The following ZDHHC19 variants were observed in gnomAD, a reference collection of about 807,000 sequenced individuals.
ZDHHC19 encodes palmitoyltransferase ZDHHC19.
ZDHHC19 carries 30 observed loss-of-function variants against 33.9 expected under a neutral mutation model. The observed-to-expected ratio is 0.88, with a 90% CI of 0.66 to 1.20. The LOEUF (loss-of-function observed/expected upper bound fraction) is 1.20, where lower values mean the gene tolerates loss of function less well. Ranked by LOEUF, ZDHHC19 falls within the 50% of genes most tolerant of loss-of-function variation. The pLI, the probability that ZDHHC19 is intolerant of heterozygous loss-of-function variation, is 0.00. For synonymous variants in ZDHHC19, 178 were observed against 167.6 expected (o/e 1.06, Z -0.48); for missense variants, 364 against 401.1 (o/e 0.91, Z 0.79).
At chr3:196,198,232 C>T (rs2280530) in intron 7 of ZDHHC19, 44 bp downstream of exon 7, 1,015,710 of 1,428,234 alleles carry the variant, frequency 0.71, 363,050 homozygotes, top group African/African-American at 0.77. Flanking sequence ...CAGACACCCC[C>T]CTCCCGACAC....
rs1262822000 is a variant in ZDHHC19 at position 196,197,951 on chromosome 3, G to A, written c.*20-226C>T. The stretch of plus-strand genomic sequence containing the variant: ...TTTCCTTTAAATAAAAGAGTCTCCC[G>A]CCACCCGCACCCCCTGGCCAAATTA... On this transcript the variant is annotated intron_variant, in intron 7 of 7. Coordinates refer to ENST00000296326, the MANE Select transcript of ZDHHC19 (RefSeq NM_001039617.2). The surrounding 1 kb of genome is among the most constrained non-coding windows in gnomAD (Gnocchi z 4.4). Among the ~76,000 whole-genome samples, 2 of 152,056 alleles carry A rather than the reference G, an allele frequency of 1.3e-5. No individual in the cohort carries two copies. Among genetic ancestry groups the A allele is most frequent in the East Asian group, 1.9e-4 (1 of 5,176 alleles).
rs188036977 is a variant in ZDHHC19, at chr3:196,198,838, C to T, written c.724G>A (p.Gly242Ser). The T allele has an allele frequency of 6.0e-5, 97 of 1,614,110 alleles. No individual in the cohort carries two copies. In the East Asian group the frequency reaches 1.9e-3, roughly 31 times the overall value. The change falls in exon 6 of 8, where the codon GGC (glycine) becomes AGC (serine). Residue 242 changes from glycine to serine, a missense_variant. By Grantham distance (56) the Gly-to-Ser change is moderately conservative (BLOSUM62 0). Transcript: ENST00000296326. ...GTTAAATACCAGTTGCTGGCACAGC[C>T]CTGGTCGAAGGGGTTGTATCCCTGA... ...HLQGYNPFDQ[G>S]CASNWYLTIC...
chr3:196,209,612 GA>G, intron 2 of ZDHHC19, 97 bp from the exon 3 acceptor site: 1 of 1,482,232 alleles, frequency 6.7e-7, no homozygotes. Context: ...GAAGGGTGGG[GA>G]CAAGGTGGGC....
chr3:196,210,533 T>TAGAGG, intron 2 of ZDHHC19, 83 bp downstream of exon 2: 2 of 1,588,414 alleles, frequency 1.3e-6, no homozygotes, highest in Non-Finnish European at 1.7e-6. Flanking sequence ...GGAGGGTCAG[T>TAGAGG]AGGAAGAGCA....
chr3:196,211,138 G>C (rs1462531528), intron 1 of ZDHHC19, 32 bp downstream of exon 1: 2 of 1,614,068 alleles, frequency 1.2e-6, no homozygotes, highest in Non-Finnish European at 8.5e-7. Flanking sequence ...GTCTCTTTGT[G>C]GGAAACCTAA....
At chr3:196,202,194 G>T (rs1435596878) in intron 5 of ZDHHC19, among the ~76,000 whole-genome samples, 1 of 152,062 alleles carries the variant, frequency 6.6e-6, no homozygotes, top group South Asian at 2.1e-4. Flanking sequence ...GGTGGTGCAC[G>T]CCCGTAGTTC....
intron 5 of ZDHHC19, 123 bp from the exon 6 acceptor site, chr3:196,198,997 G>A (rs1460988480): frequency 3.3e-6 from 3 of 915,440 alleles, no homozygotes; most frequent in Non-Finnish European, 5.2e-6. Context: ...CAGCAAGCTG[G>A]AGGCCAGGAG....
In ZDHHC19 at chr3:196,209,366, G is replaced by A; in HGVS notation, c.408+10C>T. 6.3e-7 allele frequency: 1 copy of A among 1,590,724 alleles called. No individual in the cohort carries two copies. The highest frequency in any genetic ancestry group is 2.3e-5 in the East Asian group (1 of 43,610). ...GGCGATGGCTGGTGGACAGGTAGAG[G>A]GGCACTCACCTCCACACAGATGTTG... On this transcript the variant is annotated intron_variant, in intron 3 of 7. Transcript: ENST00000296326.
At position 196,198,856 on chromosome 3, in the gene ZDHHC19, A is replaced by AT; in HGVS notation, c.705dup (p.Tyr236IlefsTer27). Reference sequence around the variant, plus strand: ...GCACAGCCCTGGTCGAAGGGGTTGTATCCCTGAAGGTGTCTGCACTGGTCG... The same window carrying AT: ...GCACAGCCCTGGTCGAAGGGGTTGTATTCCCTGAAGGTGTCTGCACTGGTCG... On this transcript the variant is annotated frameshift_variant, in exon 6 of 8. Transcript: ENST00000296326. LOFTEE classifies it high-confidence loss of function. The AT allele has an allele frequency of 6.2e-7, 1 of 1,614,028 alleles. No homozygotes were observed. The highest frequency in any genetic ancestry group is 2.2e-5 in the East Asian group (1 of 44,866).
chr3:196,204,900 A>G (rs1307406755), intron 5 of ZDHHC19, among the ~76,000 whole-genome samples: 1 of 152,220 alleles, frequency 6.6e-6, no homozygotes, highest in Non-Finnish European at 1.5e-5. Context: ...TGAGGTCAGG[A>G]GTTCCAGACC....
At chr3:196,201,461 A>G (rs1056775472) in intron 5 of ZDHHC19, among the ~76,000 whole-genome samples, 4 of 149,440 alleles carry the variant, frequency 2.7e-5, no homozygotes, top group Non-Finnish European at 5.9e-5. Flanking sequence ...CGTGGCTCAC[A>G]CCTGTAATCC....
intron 5 of ZDHHC19, 74 bp from the exon 6 acceptor site, chr3:196,198,948 C>T: frequency 6.7e-7 from 1 of 1,492,158 alleles, no homozygotes; most frequent in Non-Finnish European, 9.3e-7. Flanking sequence ...AGTGGCCCTC[C>T]CTGAGCTGGT....
intron 4 of ZDHHC19, 79 bp from the exon 5 acceptor site, chr3:196,207,582 G>A: frequency 5.7e-6 from 4 of 701,912 alleles, no homozygotes; most frequent in South Asian, 6.1e-5. Flanking sequence ...CCCGAGCCCC[G>A]CCCCGCCCCC....
intron 1 of ZDHHC19, among the ~76,000 whole-genome samples, 198 bp downstream of exon 1, chr3:196,210,972 C>T (rs890048933): frequency 3.3e-5 from 5 of 151,632 alleles, no homozygotes; most frequent in South Asian, 4.2e-4. Context: ...CACGTCGGTT[C>T]CTGGAACAGA....
intron 4 of ZDHHC19, 81 bp downstream of exon 4, chr3:196,208,307 C>G: frequency 7.3e-7 from 1 of 1,378,048 alleles, no homozygotes; most frequent in Non-Finnish European, 9.7e-7. Context: ...CCCTCTAGCC[C>G]CGCCCCCATA....
Position 196,208,527 on chromosome 3 carries a change from A to G in ZDHHC19, c.442T>C (p.Cys148Arg). The G allele has an allele frequency of 6.2e-7, 1 of 1,614,140 alleles. No individual in the cohort carries two copies. The highest frequency in any genetic ancestry group is 8.5e-7 in the Non-Finnish European group (1 of 1,180,012). ...FDHHCKWVNN[C>R]IGHRNFRFFM... is the part of the protein sequence containing the mutation. The stretch of plus-strand genomic sequence containing the variant: ...AAGCGGAAGTTGCGGTGACCGATGC[A>G]GTTATTGACCCACTTGCAGTGGTGG... Residue 148 changes from cysteine (C) to arginine (R), a missense_variant, in exon 4 of 8, where the codon TGC (cysteine) becomes CGC (arginine). By Grantham distance (180) the Cys-to-Arg change is radical. Transcript: ENST00000296326.
chr3:196,208,521 C>T lies in ZDHHC19; in HGVS notation c.448G>A (p.Gly150Ser). Residue 150 changes from glycine to serine, a missense_variant, in exon 4 of 8, where the codon GGT becomes AGT. Coordinates refer to ENST00000296326, the MANE Select transcript of ZDHHC19 (RefSeq NM_001039617.2). ...ATGAAGAAGCGGAAGTTGCGGTGAC[C>T]GATGCAGTTATTGACCCACTTGCAG... ...HHCKWVNNCI[G>S]HRNFRFFMLL... 1.2e-6 allele frequency: 2 copies of T among 1,614,130 alleles called. No homozygotes were observed. Among genetic ancestry groups the T allele is most frequent in the Non-Finnish European group, 1.7e-6 (2 of 1,180,014 alleles).
At chr3:196,202,551 T>A (rs929312882) in intron 5 of ZDHHC19, 1 of 152,368 alleles carries the variant, frequency 6.6e-6, no homozygotes, top group East Asian at 1.9e-4. Context: ...ACCTTCAGGG[T>A]GGCGAGGGCA....
chr3:196,198,971 G>A (rs1368268848), intron 5 of ZDHHC19, 97 bp from the exon 6 acceptor site: 2 of 1,280,934 alleles, frequency 1.6e-6, no homozygotes, highest in Non-Finnish European at 2.3e-6. Flanking sequence ...GCTAGCCAGG[G>A]CTCAGCCCAG....
Sources: gnomAD v4.1 joint callset for allele counts (sites outside exome capture counted in the v4.1 genomes callset) on GRCh38, gnomAD v4.1.1 for gene constraint, Gnocchi (gnomAD v3.1) non-coding constraint, MANE v1.5 for transcripts, NCBI Gene and HGNC (gene_info 2026-07-23, HGNC 2026-07-21) for gene names.